GABRA4: variants seen among roughly 807,000 people sequenced by gnomAD.
GABRA4 encodes the protein gamma-aminobutyric acid type A receptor subunit alpha4.
In GABRA4, 12 loss-of-function variants were observed where a neutral mutation model predicts 49.7. The ratio of observed to expected loss-of-function variants is 0.24; its 90% CI spans 0.15 to 0.39. The LOEUF is 0.39. Among genes scored for constraint, GABRA4 ranks in the 10% least tolerant of loss-of-function variants. The probability of loss-of-function intolerance (pLI) is 1.00; values close to 1 mark genes in which losing one functional copy is unlikely to be tolerated. For synonymous variants in GABRA4, 288 were observed against 240.2 expected (o/e 1.20, Z -1.84); for missense variants, 506 against 686.0 (o/e 0.74, Z 2.93).
intron 8 of GABRA4, among the ~76,000 whole-genome samples, chr4:46,946,095 G>A (rs1038480705): frequency 3.5e-4 from 53 of 152,138 alleles, no homozygotes; most frequent in African/African-American, 1.2e-3. Flanking sequence ...ATTTCTATAG[G>A]CCACTGGTGA....
intron 7 of GABRA4, among the ~76,000 whole-genome samples, chr4:46,967,089 T>C (rs535366822): frequency 2.0e-4 from 30 of 151,688 alleles, no homozygotes; most frequent in Admixed American, 2.0e-3. Context: ...GATGAAAATG[T>C]TTTTCTTGTT....
chr4:46,945,469 T>C (rs537880603), intron 8 of GABRA4, among the ~76,000 whole-genome samples: 13 of 152,270 alleles, frequency 8.5e-5, no homozygotes, highest in Non-Finnish European at 1.3e-4. Context: ...GTAGCTGTGA[T>C]AGCTTGTTTA....
At position 46,928,189 on chromosome 4, in the gene GABRA4, T is replaced by C. The variant is rs369813294; in HGVS notation, c.*36A>G. On this transcript the variant is annotated 3_prime_UTR_variant, in exon 9 of 9. Transcript: ENST00000264318. ...AACATTTAAAAAGACATTCTGCATTTTCATCATCTTTTAGCAAACTACTAT... is the reference window on the plus strand; with the variant it reads ...AACATTTAAAAAGACATTCTGCATTCTCATCATCTTTTAGCAAACTACTAT... The C allele has an allele frequency of 3.2e-5, 47 of 1,482,918 alleles. No homozygotes were observed. In the African/African-American group the frequency reaches 6.3e-4, roughly 20 times the overall value. 91.9% of individuals were successfully genotyped at this position (1,482,918 alleles called of 1,614,324 possible).
intron 8 of GABRA4, among the ~76,000 whole-genome samples, chr4:46,937,385 C>T (rs1005490385): frequency 1.3e-5 from 2 of 152,092 alleles, no homozygotes; most frequent in African/African-American, 2.4e-5. Context: ...AATAATCTAA[C>T]GTCAATAAAA....
intron 7 of GABRA4, among the ~76,000 whole-genome samples, chr4:46,969,000 T>A (rs1451110757): frequency 6.6e-6 from 1 of 151,682 alleles, no homozygotes; most frequent in Non-Finnish European, 1.5e-5. Flanking sequence ...GAGGCATTAT[T>A]TCAAGTGCTT....
Position 46,922,061 on chromosome 4 carries a change from AT to A in GABRA4, c.*6163del, listed in dbSNP as rs1721053686. On this transcript the variant is annotated 3_prime_UTR_variant, in exon 9 of 9. Coordinates refer to ENST00000264318, the MANE Select transcript of GABRA4 (RefSeq NM_000809.4). ...ATACGATTTTACTATATACTTCCGA[AT>A]AGTGGAATGTAGAGGTAAAGATAAA... is the stretch of plus-strand genomic sequence containing the variant. 6.6e-6 allele frequency: 1 copy of A among 152,140 alleles called. No homozygotes were observed. The highest frequency in any genetic ancestry group is 1.5e-5 in the Non-Finnish European group (1 of 68,024). The allele number at this position is 152,140 out of a possible 1,614,324, so 9.4% of individuals were successfully genotyped here. A position where few individuals can be genotyped will look rare whatever the true frequency, so the allele number is the denominator to read the frequency against.
chr4:46,973,377 C>T (rs567829196), intron 6 of GABRA4, among the ~76,000 whole-genome samples: 3 of 151,760 alleles, frequency 2.0e-5, no homozygotes, highest in African/African-American at 7.2e-5. Context: ...CCTTTGGGGT[C>T]CCCATGTGAG....
chr4:46,928,466 G>C lies in GABRA4; in HGVS notation c.1424C>G (p.Thr475Ser), dbSNP rs1431727349. 14 of 1,613,712 alleles carry C rather than the reference G, an allele frequency of 8.7e-6. No homozygotes were observed. The highest frequency in any genetic ancestry group is 9.3e-6 in the Non-Finnish European group (11 of 1,179,740). ...PRKASVGSAS[T>S]RHVFGSRLQR... is the part of the protein sequence containing the mutation. ...CAGTCTTGATCCAAACACGTGACGAGTAGAAGCAGATCCAACTGAAGCCTT... is the reference window on the plus strand; with the variant it reads ...CAGTCTTGATCCAAACACGTGACGACTAGAAGCAGATCCAACTGAAGCCTT... The change falls in exon 9 of 9, where the codon ACT (threonine) becomes AGT (serine). Residue 475 changes from threonine (T) to serine (S), a missense_variant. This residue lies in a region of GABRA4 where 243 missense variants were observed against 210.8 expected (regional missense o/e 1.15). Transcript: ENST00000264318.
chr4:46,982,657 G>A (rs186476668), intron 2 of GABRA4, among the ~76,000 whole-genome samples: 3 of 152,096 alleles, frequency 2.0e-5, no homozygotes, highest in African/African-American at 2.4e-5. Context: ...CTTATAGGTC[G>A]TGGTAAGAAG....
intron 8 of GABRA4, 45 bp downstream of exon 8, chr4:46,964,925 C>T (rs1722698656): frequency 6.7e-7 from 1 of 1,493,116 alleles, no homozygotes; most frequent in African/African-American, 1.4e-5. Flanking sequence ...ATAAATTTGA[C>T]CAAGAAGCTA....
At chr4:46,965,982 TCTC>T (rs1390358209) in intron 7 of GABRA4, among the ~76,000 whole-genome samples, 27 of 147,850 alleles carry the variant, frequency 1.8e-4, no homozygotes, top group Admixed American at 1.8e-3. Context: ...CAGAAGTACT[TCTC>T]CTCCATCAAT....
At chr4:46,983,761 C>T (rs577976092) in intron 2 of GABRA4, among the ~76,000 whole-genome samples, 11 of 152,034 alleles carry the variant, frequency 7.2e-5, no homozygotes, top group African/African-American at 2.4e-4. Context: ...TACATGGAAA[C>T]CAGATAATTT....
intron 8 of GABRA4, among the ~76,000 whole-genome samples, chr4:46,944,254 A>AT (rs1363653640): frequency 6.6e-6 from 1 of 152,110 alleles, no homozygotes; most frequent in Non-Finnish European, 1.5e-5. Context: ...AAATATATAC[A>AT]TTTTCAATGT....
chr4:46,987,679 T>C (rs1383414519), intron 2 of GABRA4, among the ~76,000 whole-genome samples: 4 of 152,090 alleles, frequency 2.6e-5, no homozygotes, highest in Non-Finnish European at 5.9e-5. Flanking sequence ...CTTACATATA[T>C]CCATCTTTAC....
chr4:46,965,395 A>G (rs950361520), intron 7 of GABRA4, among the ~76,000 whole-genome samples, 166 bp from the exon 8 acceptor site: 1 of 151,876 alleles, frequency 6.6e-6, no homozygotes, highest in Non-Finnish European at 1.5e-5. Context: ...TTAGTGGTTC[A>G]ATAAAATTAG....
intron 6 of GABRA4, 105 bp from the exon 7 acceptor site, chr4:46,971,340 A>T: frequency 9.4e-7 from 1 of 1,063,288 alleles, no homozygotes; most frequent in Non-Finnish European, 1.4e-6. Flanking sequence ...AAGGAAAGAA[A>T]TTCTCTTTTG....
intron 2 of GABRA4, among the ~76,000 whole-genome samples, chr4:46,983,649 T>C (rs908051814): frequency 1.6e-4 from 24 of 152,094 alleles, no homozygotes; most frequent in Non-Finnish European, 1.5e-4. Context: ...AAATCAGTTG[T>C]CAATGAATAA....
At position 46,922,031 on chromosome 4, in the gene GABRA4, T is replaced by C. The variant is rs1721051760; in HGVS notation, c.*6194A>G. ...ACAGGCAAGAAAAAGACAAAATCTGTCTTCATACGATTTTACTATATACTT... is the reference window on the plus strand; with the variant it reads ...ACAGGCAAGAAAAAGACAAAATCTGCCTTCATACGATTTTACTATATACTT... On this transcript the variant is annotated 3_prime_UTR_variant, in exon 9 of 9. Coordinates refer to ENST00000264318, the MANE Select transcript of GABRA4 (RefSeq NM_000809.4). 1 of 152,104 alleles carries C rather than the reference T, an allele frequency of 6.6e-6. No homozygotes were observed. Among genetic ancestry groups the C allele is most frequent in the African/African-American group, 2.4e-5 (1 of 41,418 alleles). The allele number at this position is 152,104 out of a possible 1,614,324, so 9.4% of individuals were successfully genotyped here.
chr4:46,974,156 T>A, intron 6 of GABRA4, 76 bp downstream of exon 6: 1 of 1,447,676 alleles, frequency 6.9e-7, no homozygotes, highest in Non-Finnish European at 9.4e-7. Context: ...AATTAACTAT[T>A]TCAATGAAAA....
Sources: gnomAD v4.1 joint callset for allele counts (sites outside exome capture counted in the v4.1 genomes callset) on GRCh38, gnomAD v4.1.1 for gene constraint, gnomAD v4.1.1 regional missense constraint, MANE v1.5 for transcripts, NCBI Gene and HGNC (gene_info 2026-07-23, HGNC 2026-07-21) for gene names.